CFH: variants seen among roughly 807,000 people sequenced by gnomAD.
CFH encodes complement factor H, also known as H factor 1 (complement).
Under a neutral mutation model 147.3 loss-of-function variants are expected in CFH, and 53 were observed. That is an observed-to-expected ratio of 0.36 (90% CI 0.29 to 0.45). The LOEUF is 0.45. Among genes scored for constraint, CFH ranks in the 20% least tolerant of loss-of-function variants. The pLI is 1.00. For synonymous variants in CFH, 536 were observed against 489.4 expected (o/e 1.10, Z -1.26); for missense variants, 1,380 against 1,498.0 (o/e 0.92, Z 1.30).
At chr1:196,701,428 G>A in intron 9 of CFH, 1 of 1,566,402 alleles carries the variant, frequency 6.4e-7, no homozygotes, top group Non-Finnish European at 8.8e-7. Flanking sequence ...CAATACTTGG[G>A]TCCTGAGTAT....
intron 15 of CFH, among the ~76,000 whole-genome samples, chr1:196,736,089 A>G (rs1193020552): frequency 2.0e-5 from 3 of 152,176 alleles, no homozygotes; most frequent in South Asian, 2.1e-4. Flanking sequence ...AAAAAATGAG[A>G]TATTTCTGAT....
Position 196,710,019 on chromosome 1 carries a change from A to AAC in CFH, c.1337-3700_1337-3699dup, listed in dbSNP as rs377373251. ...GCAAGATCATCTTGCTCAAAAACAA[A>AAC]ACACACACACACACACAAACATACA... On this transcript the variant is annotated intron_variant, in intron 9 of 21. Transcript: ENST00000367429. 1.4e-4 allele frequency among the ~76,000 whole-genome samples: 19 copies of AAC among 132,796 alleles called. No homozygotes were observed. In the East Asian group the frequency reaches 1.6e-3, roughly 11 times the overall value. 87.1% of individuals were successfully genotyped at this position (132,796 alleles called of 152,430 possible). A position where few individuals can be genotyped will look rare whatever the true frequency, so the allele number is the denominator to read the frequency against.
In CFH at chr1:196,728,336, T is replaced by A; in HGVS notation, c.2237-10T>A. 7.2e-7 allele frequency: 1 copy of A among 1,383,716 alleles called. No individual in the cohort carries two copies. Among genetic ancestry groups the A allele is most frequent in the East Asian group, 2.5e-5 (1 of 39,356 alleles). 85.7% of individuals were successfully genotyped at this position (1,383,716 alleles called of 1,614,324 possible). On this transcript the variant is annotated splice_polypyrimidine_tract_variant and intron_variant, in intron 14 of 21. Coordinates refer to ENST00000367429, the MANE Select transcript of CFH (RefSeq NM_000186.4). ...ATTTGAATTTTCATAAAAATATATT[T>A]ATTTTATAGCAATAGATAAACTTAA... is the stretch of plus-strand genomic sequence containing the variant.
rs376577830 is a variant in CFH, at chr1:196,747,344, G to T, written c.*31G>T. 2.5e-6 allele frequency: 4 copies of T among 1,613,258 alleles called. No homozygotes were observed. The highest frequency in any genetic ancestry group is 3.4e-6 in the Non-Finnish European group (4 of 1,179,444). On this transcript the variant is annotated 3_prime_UTR_variant, in exon 22 of 22. Transcript: ENST00000367429. Reference sequence around the variant, plus strand: ...ATCATAAAGTGCACACCTTTATTCAGAACTTTAGTATTAAATCAGTTCTCA... The same window carrying T: ...ATCATAAAGTGCACACCTTTATTCATAACTTTAGTATTAAATCAGTTCTCA...
intron 9 of CFH, among the ~76,000 whole-genome samples, chr1:196,692,803 TTTCTTTCTTTCTTTCTTTC>T (rs1305807770): frequency 0.039 from 2,941 of 75,666 alleles, 187 homozygotes; most frequent in East Asian, 0.088. Context: ...TCTTTCTTTC[TTTCTTTCTTTCTTTCTTTC>T]TCTTTCCTTC....
At chr1:196,689,369 GT>G in intron 7 of CFH, 50 bp from the exon 8 acceptor site, 1 of 1,493,084 alleles carries the variant, frequency 6.7e-7, no homozygotes, top group African/African-American at 1.4e-5. Flanking sequence ...TAATATGAGT[GT>G]TTATTACAGT....
intron 1 of CFH, among the ~76,000 whole-genome samples, chr1:196,654,001 C>T (rs1196545179): frequency 6.6e-6 from 1 of 152,030 alleles, no homozygotes; most frequent in African/African-American, 2.4e-5. Flanking sequence ...CCTTGTTTCC[C>T]AAATACTCTC....
chr1:196,659,828 A>G (rs1304750271), intron 1 of CFH, among the ~76,000 whole-genome samples: 2 of 152,134 alleles, frequency 1.3e-5, no homozygotes, highest in Admixed American at 6.5e-5. Flanking sequence ...AATAATACTC[A>G]ATACAATAAT....
At chr1:196,687,124 G>C (rs1337290280) in intron 7 of CFH, among the ~76,000 whole-genome samples, 2 of 151,938 alleles carry the variant, frequency 1.3e-5, no homozygotes, top group Admixed American at 6.6e-5. Flanking sequence ...TCCTGGACTT[G>C]GGTCAAATAA....
rs1173239169 is a variant in CFH at position 196,739,382 on chromosome 1, T to C, written c.2783-1237T>C. 3.9e-5 allele frequency among the ~76,000 whole-genome samples: 6 copies of C among 152,206 alleles called. No individual in the cohort carries two copies. In the East Asian group the frequency reaches 1.2e-3, roughly 29 times the overall value. On this transcript the variant is annotated intron_variant, in intron 17 of 21. Transcript: ENST00000367429. The stretch of plus-strand genomic sequence containing the variant: ...CATTTTCCAAACTTTTATGCTCTGC[T>C]TCCTCTTGAGCTCTTTGCCACTTAG...
chr1:196,711,361 T>G (rs1382895534), intron 9 of CFH, among the ~76,000 whole-genome samples: 3 of 152,124 alleles, frequency 2.0e-5, no homozygotes, highest in African/African-American at 7.2e-5. Context: ...ACTTTTGATA[T>G]ATAGTATATC....
chr1:196,735,617 A>G (rs1227507803), intron 15 of CFH, among the ~76,000 whole-genome samples: 1 of 152,238 alleles, frequency 6.6e-6, no homozygotes, highest in African/African-American at 2.4e-5. Flanking sequence ...AAATAAAAAA[A>G]TAAAAGCAAC....
intron 3 of CFH, among the ~76,000 whole-genome samples, 182 bp downstream of exon 3, chr1:196,674,144 T>C (rs942213696): frequency 1.3e-5 from 2 of 152,108 alleles, no homozygotes; most frequent in African/African-American, 4.8e-5. Context: ...CTCCTTAACA[T>C]TGAAAAATTT....
At chr1:196,691,483 A>T (rs4657826) in intron 9 of CFH, among the ~76,000 whole-genome samples, 29,465 of 151,868 alleles carry the variant, frequency 0.19, 3,425 homozygotes, top group East Asian at 0.36. Context: ...AAATGTTATA[A>T]CATTATAGTG....
chr1:196,677,822 T>G, intron 5 of CFH, 155 bp downstream of exon 5: 2 of 695,726 alleles, frequency 2.9e-6, no homozygotes, highest in South Asian at 3.4e-5. Flanking sequence ...GTTCTTTGCA[T>G]GCATCATTTC....
chr1:196,694,547 A>G (rs1199852240), intron 9 of CFH, among the ~76,000 whole-genome samples: 1 of 152,128 alleles, frequency 6.6e-6, no homozygotes, highest in East Asian at 1.9e-4. Context: ...GTCAAATGGT[A>G]TCTCTGGTTC....
At chr1:196,720,543 T>C (rs1156716804) in intron 11 of CFH, among the ~76,000 whole-genome samples, 1 of 151,992 alleles carries the variant, frequency 6.6e-6, no homozygotes, top group Admixed American at 6.6e-5. Context: ...GGATTTTACT[T>C]TCTGAATCTG....
intron 1 of CFH, among the ~76,000 whole-genome samples, chr1:196,653,122 C>A (rs769012462): frequency 6.6e-6 from 1 of 151,632 alleles, no homozygotes; most frequent in Non-Finnish European, 1.5e-5. Context: ...TAATACAAAT[C>A]TCTGTTTCAG....
At position 196,672,853 on chromosome 1, in the gene CFH, A is replaced by T. The variant is rs1667329057; in HGVS notation, c.59-125A>T. On this transcript the variant is annotated intron_variant, in intron 1 of 21. Transcript: ENST00000367429. ...ATAGATATGGGGTTAGGAGAGAGAG[A>T]GAGAGAGAGAGAAATTTAGATAGAC... 4 of 705,780 alleles carry T rather than the reference A, an allele frequency of 5.7e-6. No individual in the cohort carries two copies. In the Admixed American group the frequency reaches 1.0e-4, roughly 18 times the overall value. 43.7% of individuals were successfully genotyped at this position (705,780 alleles called of 1,614,324 possible). A position where few individuals can be genotyped will look rare whatever the true frequency, so the allele number is the denominator to read the frequency against.
Sources: allele counts gnomAD v4.1 joint callset (sites outside exome capture counted in the v4.1 genomes callset), GRCh38; gene constraint gnomAD v4.1.1; transcripts MANE v1.5; gene names NCBI Gene and HGNC (gene_info 2026-07-23, HGNC 2026-07-21).